BRAF: variants seen among roughly 807,000 people sequenced by gnomAD.
BRAF encodes the protein serine/threonine-protein kinase B-raf.
BRAF carries 16 observed loss-of-function variants against 104.6 expected under a neutral mutation model. That is an observed-to-expected ratio of 0.15 (90% CI 0.10 to 0.23). The LOEUF is 0.23. Among genes scored for constraint, BRAF ranks in the 10% least tolerant of loss-of-function variants. The probability of loss-of-function intolerance (pLI) is 1.00; values close to 1 mark genes in which losing one functional copy is unlikely to be tolerated. For missense variants in BRAF, 541 were observed against 937.3 expected, an observed-to-expected ratio of 0.58 and a Z score of 5.52; for synonymous variants, 310 against 341.6, an observed-to-expected ratio of 0.91 and a Z score of 1.02.
In BRAF at chr7:140,924,900, C is replaced by A. The variant is rs1240153971; in HGVS notation, c.-197G>T. The A allele has an allele frequency of 6.6e-6, 1 of 150,570 alleles. No individual in the cohort carries two copies. Among genetic ancestry groups the A allele is most frequent in the African/African-American group, 2.7e-5 (1 of 36,776 alleles). 9.3% of individuals were successfully genotyped at this position (150,570 alleles called of 1,614,324 possible). On this transcript the variant is annotated 5_prime_UTR_variant, in exon 1 of 20. Coordinates refer to ENST00000644969, the MANE Select transcript of BRAF (RefSeq NM_001374258.1). The surrounding 1 kb of genome is among the most constrained non-coding windows in gnomAD (Gnocchi z 4.2). ...TCAGGTACCGGCCCGCGGCCCCGGGCGCAGCCGAGCCTGAGGGGATTGGGG... is the reference window on the plus strand; with the variant it reads ...TCAGGTACCGGCCCGCGGCCCCGGGAGCAGCCGAGCCTGAGGGGATTGGGG...
intron 14 of BRAF, among the ~76,000 whole-genome samples, chr7:140,754,482 T>C (rs1366799896): frequency 6.6e-6 from 1 of 152,206 alleles, no homozygotes; most frequent in Non-Finnish European, 1.5e-5. Context: ...TATCTTTTAC[T>C]AGTTACCAAT....
In BRAF at chr7:140,722,658, T is replaced by C; in HGVS notation, c.*3836A>G. On this transcript the variant is annotated 3_prime_UTR_variant, in exon 20 of 20. Transcript: ENST00000644969. Reference sequence around the variant, plus strand: ...AAAGAAGAGAATCTTGCAAAAAGAGTAATCATTCTACCCTCTTAGCTGGGT... The same window carrying C: ...AAAGAAGAGAATCTTGCAAAAAGAGCAATCATTCTACCCTCTTAGCTGGGT... 1.9e-6 allele frequency: 2 copies of C among 1,052,642 alleles called. No homozygotes were observed. The highest frequency in any genetic ancestry group is 2.3e-6 in the Non-Finnish European group (2 of 871,474). The allele number at this position is 1,052,642 out of a possible 1,614,324, so 65.2% of individuals were successfully genotyped here. A position where few individuals can be genotyped will look rare whatever the true frequency, so the allele number is the denominator to read the frequency against.
chr7:140,713,493 A>T, the BRAF span, among the ~76,000 whole-genome samples: 1 of 152,128 alleles, frequency 6.6e-6, no homozygotes, highest in Non-Finnish European at 1.5e-5. Context: ...TGCATTGGTT[A>T]TTCTAGTTAT....
chr7:140,866,183 T>G (rs1198654346), intron 1 of BRAF, among the ~76,000 whole-genome samples: 1 of 152,234 alleles, frequency 6.6e-6, no homozygotes, highest in Non-Finnish European at 1.5e-5. Flanking sequence ...AAACAATAGA[T>G]GTAGTGTAGG....
intron 7 of BRAF, chr7:140,799,277 G>A: frequency 4.3e-6 from 1 of 232,400 alleles, no homozygotes; most frequent in Non-Finnish European, 8.5e-6. Flanking sequence ...ACTTGAACTT[G>A]TCTTCACTGC....
intron 12 of BRAF, chr7:140,780,556 A>G (rs921105799): frequency 6.6e-6 from 1 of 152,096 alleles, no homozygotes; most frequent in African/African-American, 2.4e-5. Context: ...ATACTGTCAT[A>G]TAAAAAATTA....
chr7:140,822,898 A>AT (rs1345658403), intron 3 of BRAF, among the ~76,000 whole-genome samples: 1 of 152,148 alleles, frequency 6.6e-6, no homozygotes, highest in African/African-American at 2.4e-5. Context: ...ACATAGCACA[A>AT]TGTAGCTTTT....
intron 18 of BRAF, among the ~76,000 whole-genome samples, chr7:140,736,034 G>T (rs779094529): frequency 6.6e-6 from 1 of 151,512 alleles, no homozygotes; most frequent in Non-Finnish European, 1.5e-5. Flanking sequence ...CTGCTCTCCA[G>T]GGATAACCAC....
At chr7:140,792,353 T>A (rs1802070335) in intron 8 of BRAF, among the ~76,000 whole-genome samples, 1 of 152,190 alleles carries the variant, frequency 6.6e-6, no homozygotes, top group Admixed American at 6.6e-5. Flanking sequence ...TTCTTCAGAT[T>A]CCCTAGCACT....
intron 2 of BRAF, among the ~76,000 whole-genome samples, chr7:140,842,397 TACTC>T (rs1808060396): frequency 6.6e-6 from 1 of 152,198 alleles, no homozygotes; most frequent in African/African-American, 2.4e-5. Context: ...ACATAGTAAA[TACTC>T]AGTAAATGTC....
chr7:140,810,947 G>T (rs1804194500), intron 3 of BRAF, among the ~76,000 whole-genome samples: 1 of 152,146 alleles, frequency 6.6e-6, no homozygotes, highest in Non-Finnish European at 1.5e-5. Context: ...TCTTGTTGAT[G>T]ATTCTTCTGT....
At chr7:140,865,843 A>G (rs1810906187) in intron 1 of BRAF, among the ~76,000 whole-genome samples, 1 of 152,238 alleles carries the variant, frequency 6.6e-6, no homozygotes, top group Admixed American at 6.5e-5. Flanking sequence ...TCTAACTTAG[A>G]GTTTAACTTA....
chr7:140,756,641 A>G (rs1360342671), intron 14 of BRAF, among the ~76,000 whole-genome samples: 1 of 152,234 alleles, frequency 6.6e-6, no homozygotes, highest in African/African-American at 2.4e-5. Context: ...ACTTTGCCAT[A>G]TATGACACAG....
chr7:140,916,512 C>T (rs1817650442), intron 1 of BRAF, among the ~76,000 whole-genome samples: 1 of 152,204 alleles, frequency 6.6e-6, no homozygotes, highest in African/African-American at 2.4e-5. Context: ...CTAATTGACA[C>T]TTTCGGTGAC....
intron 1 of BRAF, among the ~76,000 whole-genome samples, chr7:140,857,588 C>G (rs1030988807): frequency 2.6e-5 from 4 of 152,038 alleles, no homozygotes; most frequent in Admixed American, 1.3e-4. Context: ...TATTAATAAG[C>G]ATATTAGGTC....
intron 1 of BRAF, among the ~76,000 whole-genome samples, chr7:140,919,259 A>G (rs1222166063): frequency 6.6e-6 from 1 of 152,144 alleles, no homozygotes; most frequent in Non-Finnish European, 1.5e-5. Flanking sequence ...TTTGTCCCAA[A>G]CGTGCTGTCA....
At chr7:140,784,344 G>T (rs1160234827) in intron 10 of BRAF, among the ~76,000 whole-genome samples, 3 of 152,016 alleles carry the variant, frequency 2.0e-5, no homozygotes, top group African/African-American at 7.3e-5. Flanking sequence ...CTATTAAGTA[G>T]AGCACAATCC....
At position 140,725,447 on chromosome 7, in the gene BRAF, A is replaced by G. The variant is rs1212520796; in HGVS notation, c.*1047T>C. On this transcript the variant is annotated 3_prime_UTR_variant, in exon 20 of 20. Coordinates refer to ENST00000644969, the MANE Select transcript of BRAF (RefSeq NM_001374258.1). The stretch of plus-strand genomic sequence containing the variant: ...TATTGTTTTTTTCCAATTCAATTAA[A>G]TCTGAAAATTATTTTCTTTTTAATA... 1.1e-6 allele frequency: 1 copy of G among 937,400 alleles called. No individual in the cohort carries two copies. Among genetic ancestry groups the G allele is most frequent in the Non-Finnish European group, 1.3e-6 (1 of 770,060 alleles). The allele number at this position is 937,400 out of a possible 1,614,324, so 58.1% of individuals were successfully genotyped here. A position where few individuals can be genotyped will look rare whatever the true frequency, so the allele number is the denominator to read the frequency against.
rs1330565982 is a variant in BRAF at position 140,924,623 on chromosome 7, G to C, written c.81C>G (p.Ala27=). ...AGGCCGCGGCGCCGGCGCCGGCGCC[G>C]GCCTCGGGCTCCATGTCCCCGTTGA... ...ALFNGDMEPE[A]GAGAGAAASS... is the part of the protein sequence containing the mutation. Residue 27 remains alanine (A), a synonymous_variant, in exon 1 of 20, where the codon GCC becomes GCG. Transcript: ENST00000644969. The surrounding 1 kb of genome is among the most constrained non-coding windows in gnomAD (Gnocchi z 4.2). 1 of 1,520,824 alleles carries C rather than the reference G, an allele frequency of 6.6e-7. No homozygotes were observed. The highest frequency in any genetic ancestry group is 8.8e-7 in the Non-Finnish European group (1 of 1,138,254). The allele number at this position is 1,520,824 out of a possible 1,614,324, so 94.2% of individuals were successfully genotyped here. A position where few individuals can be genotyped will look rare whatever the true frequency, so the allele number is the denominator to read the frequency against.
Sources: allele counts gnomAD v4.1 joint callset (sites outside exome capture counted in the v4.1 genomes callset), GRCh38; gene constraint gnomAD v4.1.1; non-coding constraint Gnocchi (gnomAD v3.1); transcripts MANE v1.5; gene names NCBI Gene and HGNC (gene_info 2026-07-23, HGNC 2026-07-21).